The following NRIP2 variants were observed in gnomAD, a reference collection of about 807,000 sequenced individuals.
The protein encoded by NRIP2 is nuclear receptor interacting protein 2, also known as nuclear receptor-interacting protein 2.
Under a neutral mutation model 34.1 loss-of-function variants are expected in NRIP2, and 27 were observed. The ratio of observed to expected loss-of-function variants is 0.79; its 90% CI spans 0.58 to 1.09. The LOEUF is 1.09. NRIP2 is among the 50% of genes least tolerant of loss of function. The pLI is 0.00. For synonymous variants in NRIP2, 145 were observed against 146.9 expected, an observed-to-expected ratio of 0.99 and a Z score of 0.09; for missense variants, 385 against 352.6, an observed-to-expected ratio of 1.09 and a Z score of -0.74.
rs566814429 is a variant in NRIP2 at position 2,826,377 on chromosome 12, G to A, written c.*830C>T. On this transcript the variant is annotated 3_prime_UTR_variant, in exon 6 of 6. Coordinates refer to ENST00000337508, the MANE Select transcript of NRIP2 (RefSeq NM_031474.3). ...AAATCAGAAAGAATGCTGAATAGGT[G>A]AAGTCTGAGTGGTGACAACCTCACT... 2.0e-5 allele frequency: 3 copies of A among 152,242 alleles called. No individual in the cohort carries two copies. The highest frequency in any genetic ancestry group is 7.2e-5 in the African/African-American group (3 of 41,542). The allele number at this position is 152,242 out of a possible 1,614,324, so 9.4% of individuals were successfully genotyped here.
Position 2,830,802 on chromosome 12 carries a change from C to G in NRIP2, c.401G>C (p.Gly134Ala), listed in dbSNP as rs773039860. Residue 134 changes from glycine to alanine, a missense_variant, in exon 2 of 6, where the codon GGG becomes GCG. Coordinates refer to ENST00000337508, the MANE Select transcript of NRIP2 (RefSeq NM_031474.3). ...LVEGNPNWLQ[G>A]EPPRMQDLIH... is the part of the protein sequence containing the mutation. ...CAGGTCCTGCATCCGGGGAGGCTCC[C>G]CCTGAAGCCAATTCGGGTTTCCCTC... is the stretch of plus-strand genomic sequence containing the variant. The G allele has an allele frequency of 1.9e-6, 3 of 1,613,766 alleles. No individual in the cohort carries two copies. In the East Asian group the frequency reaches 6.7e-5, roughly 36 times the overall value.
In NRIP2 at chr12:2,828,158, C is replaced by T. The variant is rs146801012; in HGVS notation, c.579-111G>A. ...GTTTCATCTCCAACCCCTGACCTCA[C>T]GTGGGGTCTAAATCCTTGCCTTCTC... On this transcript the variant is annotated intron_variant, in intron 3 of 5. Transcript: ENST00000337508. The T allele has an allele frequency of 3.1e-5, 37 of 1,203,374 alleles. No homozygotes were observed. The African/African-American group carries it at 4.4e-4, about 14-fold the overall frequency. 74.5% of individuals were successfully genotyped at this position (1,203,374 alleles called of 1,614,324 possible).
chr12:2,833,309 A>G (rs1388175740), intron 1 of NRIP2, among the ~76,000 whole-genome samples: 1 of 152,004 alleles, frequency 6.6e-6, no homozygotes, highest in Non-Finnish European at 1.5e-5. Flanking sequence ...TCCCTGCTCC[A>G]TCCCTGTTTT....
In NRIP2 at chr12:2,828,324, A is replaced by G. The variant is rs776702225; in HGVS notation, c.578+8T>C. On this transcript the variant is annotated splice_region_variant and intron_variant, in intron 3 of 5. Transcript: ENST00000337508. Reference sequence around the variant, plus strand: ...TCCCCCACTTGCTTGTTTGGGCCACATTCTTACCCCAGGCGGCTGAGACAT... The same window carrying G: ...TCCCCCACTTGCTTGTTTGGGCCACGTTCTTACCCCAGGCGGCTGAGACAT... 9.9e-6 allele frequency: 16 copies of G among 1,613,356 alleles called. No homozygotes were observed. The highest frequency in any genetic ancestry group is 5.0e-5 in the Admixed American group (3 of 59,780).
intron 1 of NRIP2, among the ~76,000 whole-genome samples, chr12:2,831,875 G>A (rs1019607522): frequency 1.3e-5 from 2 of 152,124 alleles, no homozygotes; most frequent in Non-Finnish European, 2.9e-5. Context: ...GGGACCAAAA[G>A]CATATGCCAC....
At position 2,834,787 on chromosome 12, in the gene NRIP2, G is replaced by T. The variant is rs537635068; in HGVS notation, c.197C>A (p.Thr66Lys). ...EARRDEGEAR[T>K]RGQEAQLRDR... ...TCGAAGCTGTGCCTCCTGCCCCCTC[G>T]TCCTGGCTTCTCCCTCATCTCTCCT... The change falls in exon 1 of 6, where the codon ACG (threonine) becomes AAG (lysine). Residue 66 changes from threonine to lysine, a missense_variant. Thr to Lys is a moderately conservative substitution (Grantham distance 78). Coordinates refer to ENST00000337508, the MANE Select transcript of NRIP2 (RefSeq NM_031474.3). The T allele has an allele frequency of 1.9e-6, 3 of 1,613,636 alleles. No homozygotes were observed. The highest frequency in any genetic ancestry group is 1.7e-6 in the Non-Finnish European group (2 of 1,179,938).
At chr12:2,834,392 C>A (rs1056097367) in intron 1 of NRIP2, among the ~76,000 whole-genome samples, 1 of 152,154 alleles carries the variant, frequency 6.6e-6, no homozygotes, top group Non-Finnish European at 1.5e-5. Context: ...TCACCACCCT[C>A]AAGTTTGGGG....
In NRIP2 at chr12:2,826,465, T is replaced by C. The variant is rs1354202808; in HGVS notation, c.*742A>G. On this transcript the variant is annotated 3_prime_UTR_variant, in exon 6 of 6. Transcript: ENST00000337508. ...TCTTCCACACACACACACGCAAGGC[T>C]CAGGGGCTCGGTGGGTACAAAAAGC... 2 of 151,738 alleles carry C rather than the reference T, an allele frequency of 1.3e-5. No homozygotes were observed. The allele number at this position is 151,738 out of a possible 1,614,324, so 9.4% of individuals were successfully genotyped here. A position where few individuals can be genotyped will look rare whatever the true frequency, so the allele number is the denominator to read the frequency against.
At chr12:2,828,201 C>G in intron 3 of NRIP2, 131 bp downstream of exon 3, 1 of 1,141,372 alleles carries the variant, frequency 8.8e-7, no homozygotes, top group Non-Finnish European at 1.3e-6. Context: ...GTCTTCTAGC[C>G]ACTCTTTTGT....
In NRIP2 at chr12:2,825,427, A is replaced by C. The variant is rs548080018; in HGVS notation, c.*1780T>G. The C allele has an allele frequency of 6.6e-6, 1 of 152,612 alleles. No homozygotes were observed. The highest frequency in any genetic ancestry group is 6.5e-5 in the Admixed American group (1 of 15,304). 9.5% of individuals were successfully genotyped at this position (152,612 alleles called of 1,614,324 possible). On this transcript the variant is annotated 3_prime_UTR_variant, in exon 6 of 6. Coordinates refer to ENST00000337508, the MANE Select transcript of NRIP2 (RefSeq NM_031474.3). Reference sequence around the variant, plus strand: ...TTGGGCCTGGGGTCTGCAGTTACAGAAGCAGCAGGAGGCAGACAAGGAAAG... The same window carrying C: ...TTGGGCCTGGGGTCTGCAGTTACAGCAGCAGCAGGAGGCAGACAAGGAAAG...
rs1295332603 is a variant in NRIP2 at position 2,827,917 on chromosome 12, G to A, written c.700+9C>T. 2 of 1,613,932 alleles carry A rather than the reference G, an allele frequency of 1.2e-6. No individual in the cohort carries two copies. Among genetic ancestry groups the A allele is most frequent in the Middle Eastern group, 1.7e-4 (1 of 5,932 alleles). On this transcript the variant is annotated intron_variant, in intron 4 of 5. Coordinates refer to ENST00000337508, the MANE Select transcript of NRIP2 (RefSeq NM_031474.3). The surrounding 1 kb of genome is among the most constrained non-coding windows in gnomAD (Gnocchi z 4.0). Reference sequence around the variant, plus strand: ...GAGCACCAGGGCTGTTGCAGAAGGGGGGACTTACCCACCACCTGTGCCGAG... The same window carrying A: ...GAGCACCAGGGCTGTTGCAGAAGGGAGGACTTACCCACCACCTGTGCCGAG...
Position 2,826,833 on chromosome 12 carries a change from G to A in NRIP2, c.*374C>T, listed in dbSNP as rs1349279657. On this transcript the variant is annotated 3_prime_UTR_variant, in exon 6 of 6. Transcript: ENST00000337508. ...ATGGTGGTGTGGGAAGTTGAGTTGT[G>A]TTTGGGGTGGTATTGGGTGATGGAC... 2 of 316,792 alleles carry A rather than the reference G, an allele frequency of 6.3e-6. No homozygotes were observed. The highest frequency in any genetic ancestry group is 5.4e-6 in the Non-Finnish European group (1 of 185,644). The allele number at this position is 316,792 out of a possible 1,614,324, so 19.6% of individuals were successfully genotyped here. A position where few individuals can be genotyped will look rare whatever the true frequency, so the allele number is the denominator to read the frequency against.
rs1380702762 is a variant in NRIP2 at position 2,827,449 on chromosome 12, G to A, written c.754-150C>T. ...ATTTCCCTAGACTCCTGTTGAAGGG[G>A]GTGACCCAGTTCTCTTGATTTTTCA... is the stretch of plus-strand genomic sequence containing the variant. On this transcript the variant is annotated intron_variant, in intron 5 of 5. Coordinates refer to ENST00000337508, the MANE Select transcript of NRIP2 (RefSeq NM_031474.3). The surrounding 1 kb of genome is among the most constrained non-coding windows in gnomAD (Gnocchi z 4.0). The A allele has an allele frequency of 1.0e-5, 16 of 1,529,274 alleles. No homozygotes were observed. In the East Asian group the frequency reaches 3.2e-4, roughly 30 times the overall value. The allele number at this position is 1,529,274 out of a possible 1,614,324, so 94.7% of individuals were successfully genotyped here. A position where few individuals can be genotyped will look rare whatever the true frequency, so the allele number is the denominator to read the frequency against.
intron 1 of NRIP2, among the ~76,000 whole-genome samples, chr12:2,832,529 C>T (rs2098008703): frequency 6.6e-6 from 1 of 151,988 alleles, no homozygotes; most frequent in Admixed American, 6.6e-5. Flanking sequence ...GTTTGAGATT[C>T]TGTGTACATC....
At chr12:2,832,981 A>G (rs915122340) in intron 1 of NRIP2, among the ~76,000 whole-genome samples, 2 of 150,926 alleles carry the variant, frequency 1.3e-5, no homozygotes, top group African/African-American at 4.9e-5. Flanking sequence ...CCCATCTTCC[A>G]CCTTCCCACG....
At chr12:2,833,148 G>C (rs1464102385) in intron 1 of NRIP2, among the ~76,000 whole-genome samples, 1 of 152,066 alleles carries the variant, frequency 6.6e-6, no homozygotes, top group Non-Finnish European at 1.5e-5. Flanking sequence ...CCTAGGCAGA[G>C]GGGAGAGGTG....
intron 1 of NRIP2, among the ~76,000 whole-genome samples, chr12:2,831,970 T>A (rs1209874292): frequency 6.6e-6 from 1 of 152,144 alleles, no homozygotes; most frequent in East Asian, 1.9e-4. Flanking sequence ...AACACCTTCT[T>A]AAGTTCATAA....
At chr12:2,832,266 G>T (rs542378188) in intron 1 of NRIP2, among the ~76,000 whole-genome samples, 1 of 151,722 alleles carries the variant, frequency 6.6e-6, no homozygotes, top group Non-Finnish European at 1.5e-5. Context: ...ACCCTACCCC[G>T]CATTGCTTTC....
chr12:2,827,793 C>T lies in NRIP2; in HGVS notation c.701-116G>A, dbSNP rs1358775054. The T allele has an allele frequency of 7.5e-6, 12 of 1,604,050 alleles. No homozygotes were observed. The highest frequency in any genetic ancestry group is 9.4e-6 in the Non-Finnish European group (11 of 1,175,658). On this transcript the variant is annotated intron_variant, in intron 4 of 5. Coordinates refer to ENST00000337508, the MANE Select transcript of NRIP2 (RefSeq NM_031474.3). The surrounding 1 kb of genome is among the most constrained non-coding windows in gnomAD (Gnocchi z 4.0). ...CCATCCCCAGATCCGAGGACACTGG[C>T]ACAGAGATGGGGGATAGTCAGAACA... is the stretch of plus-strand genomic sequence containing the variant.
Sources: allele counts gnomAD v4.1 joint callset (sites outside exome capture counted in the v4.1 genomes callset), GRCh38; gene constraint gnomAD v4.1.1; non-coding constraint Gnocchi (gnomAD v3.1); transcripts MANE v1.5; gene names NCBI Gene and HGNC (gene_info 2026-07-23, HGNC 2026-07-21).